The following CTDSP1 variants were observed in gnomAD, a reference collection of about 807,000 sequenced individuals.
CTDSP1 encodes CTD small phosphatase 1.
In CTDSP1, 15 loss-of-function variants were observed where a neutral mutation model predicts 32.5. That is an observed-to-expected ratio of 0.46 (90% CI 0.31 to 0.71). The LOEUF (loss-of-function observed/expected upper bound fraction) is 0.71, where lower values mean the gene tolerates loss of function less well. Ranked by LOEUF, CTDSP1 falls within the 30% of genes least tolerant of loss-of-function variation. The probability of loss-of-function intolerance (pLI) is 0.05; values close to 1 mark genes in which losing one functional copy is unlikely to be tolerated. For missense variants in CTDSP1, 294 were observed against 351.1 expected (o/e 0.84, Z 1.30); for synonymous variants, 185 against 145.4 (o/e 1.27, Z -1.96).
At chr2:218,402,743 A>C (rs773221799) in intron 4 of CTDSP1, 19 of 747,014 alleles carry the variant, frequency 2.5e-5, no homozygotes, top group Non-Finnish European at 4.3e-5. Context: ...CCTTGGGGTG[A>C]GGGGGCTGCC....
chr2:218,396,416 G>A (rs1696771013), upstream of CTDSP1: 2 of 152,538 alleles, frequency 1.3e-5, no homozygotes, highest in South Asian at 2.1e-4. Context: ...AGGCCAACAG[G>A]CCTTTCCCTA....
At chr2:218,400,954 G>C (rs115254818) in intron 1 of CTDSP1, 42,040 of 449,552 alleles carry the variant, frequency 0.094, 2,183 homozygotes, top group East Asian at 0.19. Flanking sequence ...AGGTGGAAAG[G>C]CTAGTTGCAG....
intron 1 of CTDSP1, chr2:218,400,872 C>T (rs1451639145): frequency 3.3e-5 from 15 of 456,348 alleles, no homozygotes; most frequent in Admixed American, 1.2e-4. Context: ...CCCGTGTGGA[C>T]CTCAGGATCT....
rs1166670708 is a variant in CTDSP1, at chr2:218,402,370, A to G, written c.343A>G (p.Ile115Val). The G allele has an allele frequency of 2.5e-6, 4 of 1,613,296 alleles. No homozygotes were observed. The highest frequency in any genetic ancestry group is 4.5e-5 in the East Asian group (2 of 44,890). Residue 115 changes from isoleucine (I) to valine (V), a missense_variant, in exon 4 of 7, where the codon ATC becomes GTC. Coordinates refer to ENST00000273062, the MANE Select transcript of CTDSP1 (RefSeq NM_021198.3). ...SFKPVNNADF[I>V]IPVEIDGVVH... ...ACAGCCAGTGAACAACGCGGACTTC[A>G]TCATCCCTGTGGAGATTGATGGGGT... is the stretch of plus-strand genomic sequence containing the variant.
chr2:218,398,489 C>G (rs1020544673), upstream of CTDSP1: 4 of 1,485,142 alleles, frequency 2.7e-6, no homozygotes, highest in African/African-American at 1.4e-5. Context: ...GGTATCAGTC[C>G]CCGACAGTCC....
chr2:218,402,912 G>A (rs926081061), intron 4 of CTDSP1, 123 bp from the exon 5 acceptor site: 52 of 731,062 alleles, frequency 7.1e-5, no homozygotes, highest in Middle Eastern at 7.0e-4. Context: ...CTGGCCAAGC[G>A]GAGCCTGCGG....
At chr2:218,398,559 G>A, upstream of CTDSP1, 2 of 995,898 alleles carry the variant, frequency 2.0e-6, no homozygotes, top group Non-Finnish European at 2.8e-6. Context: ...GGCAGACGCC[G>A]CTCCCCTCCC....
chr2:218,402,064 A>G, intron 2 of CTDSP1, 47 bp from the exon 3 acceptor site: 1 of 1,319,990 alleles, frequency 7.6e-7, no homozygotes, highest in Non-Finnish European at 1.1e-6. Flanking sequence ...GGGAGGAAGG[A>G]CCAGGCCCGG....
upstream of CTDSP1, chr2:218,398,287 GT>G (rs1424558852): frequency 3.4e-6 from 3 of 871,116 alleles, no homozygotes; most frequent in Admixed American, 7.0e-5. Context: ...TTGAAACTCA[GT>G]TTCCTCATCT....
chr2:218,402,072 C>G (rs747930489), intron 2 of CTDSP1, 39 bp from the exon 3 acceptor site: 3 of 1,415,078 alleles, frequency 2.1e-6, no homozygotes, highest in African/African-American at 2.8e-5. Flanking sequence ...GGACCAGGCC[C>G]GGAGAGAGGC....
At chr2:218,403,729 T>C in intron 6 of CTDSP1, 1 of 305,518 alleles carries the variant, frequency 3.3e-6, no homozygotes, top group Non-Finnish European at 6.0e-6. Context: ...ATTAATTTAG[T>C]GGGTTCTGAT....
At position 218,404,634 on chromosome 2, in the gene CTDSP1, G is replaced by A; in HGVS notation, c.*209G>A. On this transcript the variant is annotated 3_prime_UTR_variant, in exon 7 of 7. Coordinates refer to ENST00000273062, the MANE Select transcript of CTDSP1 (RefSeq NM_021198.3). ...CGTGAGCTCCAGGCCCCGTGTCAGTGCCTTCAAACCTCCTCCCCTATTCTC... is the reference window on the plus strand; with the variant it reads ...CGTGAGCTCCAGGCCCCGTGTCAGTACCTTCAAACCTCCTCCCCTATTCTC... 1.7e-6 allele frequency: 1 copy of A among 572,584 alleles called. No homozygotes were observed. The allele number at this position is 572,584 out of a possible 1,614,324, so 35.5% of individuals were successfully genotyped here. A position where few individuals can be genotyped will look rare whatever the true frequency, so the allele number is the denominator to read the frequency against.
At position 218,404,366 on chromosome 2, in the gene CTDSP1, C is replaced by G. The variant is rs199987970; in HGVS notation, c.727C>G (p.Gln243Glu). Reference sequence around the variant, plus strand: ...CCACGACCTCCTCCCCTTCTTCGAGCAACTCAGCCGTGTGGACGACGTGTA... The same window carrying G: ...CCACGACCTCCTCCCCTTCTTCGAGGAACTCAGCCGTGTGGACGACGTGTA... ...ELHDLLPFFE[Q>E]LSRVDDVYSV... Residue 243 changes from glutamine to glutamate, a missense_variant, in exon 7 of 7, where the codon CAA (glutamine) becomes GAA (glutamate). Coordinates refer to ENST00000273062, the MANE Select transcript of CTDSP1 (RefSeq NM_021198.3). 40 of 1,614,176 alleles carry G rather than the reference C, an allele frequency of 2.5e-5. No individual in the cohort carries two copies. The African/African-American group carries it at 4.9e-4, about 20-fold the overall frequency.
At chr2:218,403,611 C>T (rs1697269752) in intron 6 of CTDSP1, 194 bp downstream of exon 6, 1 of 542,152 alleles carries the variant, frequency 1.8e-6, no homozygotes, top group South Asian at 2.8e-5. Context: ...CTTTTCCCCT[C>T]GCACAAAGCA....
rs1442829764 is a variant in CTDSP1 at position 218,399,912 on chromosome 2, C to T, written c.-179C>T. The T allele has an allele frequency of 1.2e-5, 15 of 1,264,826 alleles. No homozygotes were observed. The highest frequency in any genetic ancestry group is 1.5e-5 in the Non-Finnish European group (15 of 1,005,508). The allele number at this position is 1,264,826 out of a possible 1,614,324, so 78.4% of individuals were successfully genotyped here. On this transcript the variant is annotated 5_prime_UTR_variant, in exon 1 of 7. Transcript: ENST00000273062. ...GAAACTCCATGTTGTAACAAAGTTT[C>T]CTCCGCGCCCCCTCCCTCCCCCTCC...
intron 3 of CTDSP1, 29 bp from the exon 4 acceptor site, chr2:218,402,320 C>A (rs779459596): frequency 6.2e-7 from 1 of 1,613,874 alleles, no homozygotes; most frequent in Non-Finnish European, 8.5e-7. Context: ...GCTCCTCCTC[C>A]AACTCCAGCA....
upstream of CTDSP1, among the ~76,000 whole-genome samples, chr2:218,397,414 A>G (rs1696876879): frequency 6.6e-6 from 1 of 152,084 alleles, no homozygotes; most frequent in Non-Finnish European, 1.5e-5. Flanking sequence ...GCGTGGTCGC[A>G]CTTGGCACTC....
At position 218,404,726 on chromosome 2, in the gene CTDSP1, T is replaced by C; in HGVS notation, c.*301T>C. The C allele has an allele frequency of 6.3e-6, 2 of 316,380 alleles. No individual in the cohort carries two copies. The highest frequency in any genetic ancestry group is 1.2e-5 in the Non-Finnish European group (2 of 170,290). 19.6% of individuals were successfully genotyped at this position (316,380 alleles called of 1,614,324 possible). A position where few individuals can be genotyped will look rare whatever the true frequency, so the allele number is the denominator to read the frequency against. ...CTCTGTCCATGCTGCCATGTTTCTC[T>C]GCTGCCAAATTGGGCCCCTTGGCCC... On this transcript the variant is annotated 3_prime_UTR_variant, in exon 7 of 7. Transcript: ENST00000273062.
At chr2:218,403,499 G>A (rs1244489284) in intron 6 of CTDSP1, 82 bp downstream of exon 6, 1 of 1,332,312 alleles carries the variant, frequency 7.5e-7, no homozygotes, top group Admixed American at 2.4e-5. Context: ...TTGGCCTCTT[G>A]GATCCCCAGT....
Sources: allele counts gnomAD v4.1 joint callset (sites outside exome capture counted in the v4.1 genomes callset), GRCh38; gene constraint gnomAD v4.1.1; transcripts MANE v1.5; gene names NCBI Gene and HGNC (gene_info 2026-07-23, HGNC 2026-07-21).